MDGA1: variants seen among roughly 807,000 people sequenced by gnomAD.
MDGA1 encodes MAM domain-containing glycosylphosphatidylinositol anchor protein 1.
A neutral mutation model predicts 101.5 loss-of-function variants in MDGA1; 54 were observed. The observed-to-expected ratio is 0.53, with a 90% CI of 0.43 to 0.67. The LOEUF is 0.67. Ranked by LOEUF, MDGA1 falls within the 30% of genes least tolerant of loss-of-function variation. The pLI, the probability that MDGA1 is intolerant of heterozygous loss-of-function variation, is 0.00. For synonymous variants in MDGA1, 533 were observed against 558.3 expected (o/e 0.95, Z 0.64); for missense variants, 1,083 against 1,323.8 (o/e 0.82, Z 2.82).
Position 37,658,220 on chromosome 6 carries a change from G to A in MDGA1, c.382+25C>T, listed in dbSNP as rs1343674801. On this transcript the variant is annotated intron_variant, in intron 3 of 16. Coordinates refer to ENST00000434837, the MANE Select transcript of MDGA1 (RefSeq NM_153487.4). Reference sequence around the variant, plus strand: ...GGCCCGGGCTGGGCTGTCAGGGCCCGGGGAGAGAGGGGGCCTCAACTCACA... The same window carrying A: ...GGCCCGGGCTGGGCTGTCAGGGCCCAGGGAGAGAGGGGGCCTCAACTCACA... 8 of 1,544,738 alleles carry A rather than the reference G, an allele frequency of 5.2e-6. No homozygotes were observed. In the East Asian group the frequency reaches 6.9e-5, roughly 13 times the overall value.
In MDGA1 at chr6:37,654,280, C is replaced by T. The variant is rs1761431517; in HGVS notation, c.976G>A (p.Val326Met). Reference protein sequence around the residue: ...NPAKKTVNLLVRSMKNATFQI... With the variant: ...NPAKKTVNLLMRSMKNATFQI... ...CCCTTCTGAGGCCACGTACATCGCA[C>T]CAGCAGGTTGACAGTCTTCTTGGCA... The change falls in exon 6 of 17, where the codon GTG becomes ATG. Residue 326 changes from valine to methionine, a missense_variant. By Grantham distance (21) the Val-to-Met change is conservative. Around this residue, in one of 3 missense-constraint regions of MDGA1, gnomAD observed 116 missense variants for 196.6 expected, o/e 0.59. Transcript: ENST00000434837. The T allele has an allele frequency of 6.5e-6, 10 of 1,546,490 alleles. No individual in the cohort carries two copies. In the South Asian group the frequency reaches 1.1e-4, roughly 18 times the overall value.
chr6:37,654,662 G>A, intron 5 of MDGA1, 119 bp from the exon 6 acceptor site: 1 of 1,549,166 alleles, frequency 6.5e-7, no homozygotes, highest in South Asian at 1.2e-5. Context: ...TGAGAGGGGA[G>A]AAGACGGAGC....
chr6:37,655,386 C>T lies in MDGA1; in HGVS notation c.579+314G>A. 2.8e-6 allele frequency: 1 copy of T among 350,986 alleles called. No homozygotes were observed. The allele number at this position is 350,986 out of a possible 1,614,324, so 21.7% of individuals were successfully genotyped here. A position where few individuals can be genotyped will look rare whatever the true frequency, so the allele number is the denominator to read the frequency against. On this transcript the variant is annotated intron_variant, in intron 4 of 16. Transcript: ENST00000434837. This position sits in a 1 kb window ranked among gnomAD's most constrained non-coding sequence, Gnocchi z 5.1. ...GCCCCCAGATCCTGCTGTGCCTGGC[C>T]ACAGGTTCCCAATACTCTGCCACCC...
chr6:37,689,665 T>G (rs975904752), intron 1 of MDGA1, among the ~76,000 whole-genome samples: 2 of 152,222 alleles, frequency 1.3e-5, no homozygotes, highest in Non-Finnish European at 2.9e-5. Context: ...GTCGAGGCTC[T>G]TAACTACTTC....
At chr6:37,665,169 T>C (rs936852221) in intron 1 of MDGA1, among the ~76,000 whole-genome samples, 2 of 152,116 alleles carry the variant, frequency 1.3e-5, no homozygotes, top group African/African-American at 4.8e-5. Flanking sequence ...TACCTCATTG[T>C]CTAGCCCCAT....
At chr6:37,693,580 G>A (rs1031216747) in intron 1 of MDGA1, among the ~76,000 whole-genome samples, 11 of 152,194 alleles carry the variant, frequency 7.2e-5, no homozygotes, top group Admixed American at 1.3e-4. Flanking sequence ...ACTGACCTGC[G>A]GTCCGACTGC....
intron 8 of MDGA1, chr6:37,649,843 C>T (rs886336276): frequency 3.0e-6 from 2 of 668,266 alleles, no homozygotes; most frequent in Admixed American, 2.0e-5. Context: ...CCTTCAAAAT[C>T]CCATTTCCAC....
In MDGA1 at chr6:37,655,736, G is replaced by T. The variant is rs975735183; in HGVS notation, c.543C>A (p.Asp181Glu). Residue 181 changes from aspartate (D) to glutamate (E), a missense_variant, in exon 4 of 17, where the codon GAC becomes GAA. By Grantham distance (45) the Asp-to-Glu change is conservative. This residue lies in a region of MDGA1 where 310 missense variants were observed against 355.9 expected (regional missense o/e 0.87). Coordinates refer to ENST00000434837, the MANE Select transcript of MDGA1 (RefSeq NM_153487.4). The surrounding 1 kb of genome is among the most constrained non-coding windows in gnomAD (Gnocchi z 5.1). The stretch of plus-strand genomic sequence containing the variant: ...GGGGCTCATAGATGTCAACCCCATT[G>T]TCCTGGCTGTGGGATAGGGTATCGG... Reference protein sequence around the residue: ...RGSDTLSHSQDNGVDIYEPLY... With the variant: ...RGSDTLSHSQENGVDIYEPLY... 6.2e-7 allele frequency: 1 copy of T among 1,612,896 alleles called. No homozygotes were observed. Among genetic ancestry groups the T allele is most frequent in the Non-Finnish European group, 8.5e-7 (1 of 1,179,394 alleles).
chr6:37,692,861 G>C (rs902570899), intron 1 of MDGA1, among the ~76,000 whole-genome samples: 2 of 151,962 alleles, frequency 1.3e-5, no homozygotes, highest in Non-Finnish European at 2.9e-5. Flanking sequence ...CTCTCTAACC[G>C]ACCTCCTCCC....
Position 37,697,002 on chromosome 6 carries a change from C to G in MDGA1, c.-191G>C, listed in dbSNP as rs1055452474. 1.8e-6 allele frequency: 1 copy of G among 557,826 alleles called. No homozygotes were observed. The highest frequency in any genetic ancestry group is 3.2e-6 in the Non-Finnish European group (1 of 316,542). 34.6% of individuals were successfully genotyped at this position (557,826 alleles called of 1,614,324 possible). A position where few individuals can be genotyped will look rare whatever the true frequency, so the allele number is the denominator to read the frequency against. On this transcript the variant is annotated 5_prime_UTR_variant, in exon 1 of 17. Coordinates refer to ENST00000434837, the MANE Select transcript of MDGA1 (RefSeq NM_153487.4). Reference sequence around the variant, plus strand: ...ACCCGTGTTTCTCCTCCGGCGGGGCCGCTGCCCGCGTGGGGACGCAGGGGG... The same window carrying G: ...ACCCGTGTTTCTCCTCCGGCGGGGCGGCTGCCCGCGTGGGGACGCAGGGGG...
chr6:37,638,229 G>A lies in MDGA1; in HGVS notation c.2752C>T (p.Arg918Trp), dbSNP rs369559260. 38 of 1,613,034 alleles carry A rather than the reference G, an allele frequency of 2.4e-5. No homozygotes were observed. The highest frequency in any genetic ancestry group is 1.6e-4 in the Middle Eastern group (1 of 6,082). Residue 918 changes from arginine to tryptophan, a missense_variant, in exon 16 of 17, where the codon CGG (arginine) becomes TGG (tryptophan). Transcript: ENST00000434837. This position sits in a 1 kb window ranked among gnomAD's most constrained non-coding sequence, Gnocchi z 4.8. ...DVTLKKGECPRKQTDPNKVVV... is the reference protein window; with the variant it reads ...DVTLKKGECPWKQTDPNKVVV... ...CCTTTATTGGGATCCGTCTGCTTCC[G>A]GGGACACTCCCCCTTCTTCAGTGTG... is the stretch of plus-strand genomic sequence containing the variant.
rs866471119 is a variant in MDGA1 at position 37,650,115 on chromosome 6, C to A, written c.1603G>T (p.Val535Leu). 1 of 1,607,664 alleles carries A rather than the reference C, an allele frequency of 6.2e-7. No individual in the cohort carries two copies. Among genetic ancestry groups the A allele is most frequent in the Non-Finnish European group, 8.5e-7 (1 of 1,175,148 alleles). Residue 535 changes from valine (V) to leucine (L), a missense_variant, in exon 8 of 17, where the codon GTG becomes TTG. Val to Leu is a conservative substitution (Grantham distance 32). Around this residue, in one of 3 missense-constraint regions of MDGA1, gnomAD observed 657 missense variants for 771.4 expected, o/e 0.85. Coordinates refer to ENST00000434837, the MANE Select transcript of MDGA1 (RefSeq NM_153487.4). Reference protein sequence around the residue: ...RPREAQVQLNVQFPPEVEPSS... With the variant: ...RPREAQVQLNLQFPPEVEPSS... Reference sequence around the variant, plus strand: ...GGTGGCGTGGTGGACTCACACTGCACGTTCAGCTGCACCTGGGCCTCACGG... The same window carrying A: ...GGTGGCGTGGTGGACTCACACTGCAAGTTCAGCTGCACCTGGGCCTCACGG...
chr6:37,689,657 C>T (rs534246246), intron 1 of MDGA1, among the ~76,000 whole-genome samples: 82 of 152,302 alleles, frequency 5.4e-4, no homozygotes, highest in African/African-American at 1.9e-3. Context: ...ATGCAGAGGT[C>T]GAGGCTCTTA....
intron 14 of MDGA1, chr6:37,643,155 T>G (rs1250054031): frequency 6.6e-6 from 1 of 152,366 alleles, no homozygotes; most frequent in Non-Finnish European, 1.5e-5. Context: ...TGAGGGTTAA[T>G]GCAATCAAGG....
intron 1 of MDGA1, among the ~76,000 whole-genome samples, chr6:37,667,468 C>T (rs1761778958): frequency 1.3e-5 from 2 of 152,152 alleles, no homozygotes; most frequent in South Asian, 2.1e-4. Context: ...GCACATAGTC[C>T]CTATATAAGA....
rs887979617 is a variant in MDGA1, at chr6:37,655,492, G to A, written c.579+208C>T. 1.6e-4 allele frequency: 84 copies of A among 515,762 alleles called. No individual in the cohort carries two copies. The highest frequency in any genetic ancestry group is 4.0e-4 in the Admixed American group (11 of 27,320). 31.9% of individuals were successfully genotyped at this position (515,762 alleles called of 1,614,324 possible). On this transcript the variant is annotated intron_variant, in intron 4 of 16. Transcript: ENST00000434837. This position sits in a 1 kb window ranked among gnomAD's most constrained non-coding sequence, Gnocchi z 5.1. Reference sequence around the variant, plus strand: ...ATGTTCCTGGAGGACATGTTGCCTCGGGGACACTCCTGCCCTCATTGCTGC... The same window carrying A: ...ATGTTCCTGGAGGACATGTTGCCTCAGGGACACTCCTGCCCTCATTGCTGC...
intron 9 of MDGA1, chr6:37,648,272 A>G (rs1761260631): frequency 6.6e-6 from 1 of 152,380 alleles, no homozygotes. Flanking sequence ...AACGTTCCAG[A>G]GAAGCTGCTG....
chr6:37,633,636 GC>G lies in MDGA1; in HGVS notation c.*3731del, dbSNP rs1428184745. 1.3e-5 allele frequency: 2 copies of G among 152,294 alleles called. No individual in the cohort carries two copies. Among genetic ancestry groups the G allele is most frequent in the Non-Finnish European group, 2.9e-5 (2 of 68,112 alleles). 9.4% of individuals were successfully genotyped at this position (152,294 alleles called of 1,614,324 possible). A position where few individuals can be genotyped will look rare whatever the true frequency, so the allele number is the denominator to read the frequency against. ...GTGGCCACCTCTGTGTGGCACCCAG[GC>G]CTGTCATGGGGCAGAAGGGTCTGCA... On this transcript the variant is annotated 3_prime_UTR_variant, in exon 17 of 17. Transcript: ENST00000434837.
intron 1 of MDGA1, 138 bp from the exon 2 acceptor site, chr6:37,664,244 G>A (rs1761693134): frequency 3.6e-6 from 4 of 1,103,230 alleles, no homozygotes; most frequent in Non-Finnish European, 3.9e-6. Flanking sequence ...TGACCCCACT[G>A]AGCCCAGGAA....
Sources: allele counts gnomAD v4.1 joint callset (sites outside exome capture counted in the v4.1 genomes callset), GRCh38; gene constraint gnomAD v4.1.1; regional missense constraint gnomAD v4.1.1; non-coding constraint Gnocchi (gnomAD v3.1); transcripts MANE v1.5; gene names NCBI Gene and HGNC (gene_info 2026-07-23, HGNC 2026-07-21).